Variants in MACROD2 observed in about 807,000 individuals in gnomAD.
MACROD2 encodes the protein ADP-ribose glycohydrolase MACROD2.
In MACROD2, 36 loss-of-function variants were observed where a neutral mutation model predicts 70.4. The ratio of observed to expected loss-of-function variants is 0.51; its 90% CI spans 0.39 to 0.68. MACROD2 has a LOEUF of 0.68. Among genes scored for constraint, MACROD2 ranks in the 30% least tolerant of loss-of-function variants. MACROD2 has a pLI of 0.00. For synonymous variants in MACROD2, 172 were observed against 178.8 expected (o/e 0.96, Z 0.30); for missense variants, 496 against 538.4 (o/e 0.92, Z 0.78).
rs1015544412 is a variant in MACROD2 at position 15,000,593 on chromosome 20, G to C, written c.419-229347G>C. On this transcript the variant is annotated intron_variant, in intron 5 of 17. Coordinates refer to ENST00000684519, the MANE Select transcript of MACROD2 (RefSeq NM_001351661.2). The stretch of plus-strand genomic sequence containing the variant: ...AGCCGAGATTGCGCCACTGCAGTCC[G>C]CAGTCCGGCCTGGGCGACAGAGCGA... 9.5e-5 allele frequency among the ~76,000 whole-genome samples: 10 copies of C among 105,512 alleles called. 2 individuals are homozygous for C. Among genetic ancestry groups the C allele is most frequent in the Admixed American group, 2.5e-4 (2 of 8,014 alleles). 69.2% of individuals were successfully genotyped at this position (105,512 alleles called of 152,430 possible). A position where few individuals can be genotyped will look rare whatever the true frequency, so the allele number is the denominator to read the frequency against.
intron 5 of MACROD2, among the ~76,000 whole-genome samples, chr20:14,703,438 C>G (rs1344200155): frequency 5.3e-5 from 8 of 152,194 alleles, no homozygotes; most frequent in African/African-American, 1.9e-4. Flanking sequence ...TTCATGAAGT[C>G]TCTATAAACA....
chr20:14,011,994 C>T (rs1033260009), intron 2 of MACROD2, among the ~76,000 whole-genome samples: 3 of 152,212 alleles, frequency 2.0e-5, no homozygotes, highest in South Asian at 2.1e-4. Context: ...CTGCAACCTT[C>T]GCCTCCCAAG....
chr20:15,395,353 C>A (rs1208090834), intron 6 of MACROD2, among the ~76,000 whole-genome samples: 2 of 152,094 alleles, frequency 1.3e-5, no homozygotes, highest in Non-Finnish European at 1.5e-5. Flanking sequence ...TTTGTCATTT[C>A]TTTTGTCCTA....
At chr20:15,377,781 CAG>C (rs144037885) in intron 6 of MACROD2, among the ~76,000 whole-genome samples, 6,457 of 152,312 alleles carry the variant, frequency 0.042, 171 homozygotes, top group Middle Eastern at 0.1. Context: ...GCCTGACCTA[CAG>C]AGAGTCTGTA....
At chr20:14,894,946 TGGGAGACTAGA>T (rs1179310523) in intron 5 of MACROD2, 2 of 152,144 alleles carry the variant, frequency 1.3e-5, no homozygotes, top group African/African-American at 4.8e-5. Flanking sequence ...CAATCAAGTA[TGGGAGACTAGA>T]GGGTGGCAAG....
At chr20:15,023,526 C>A (rs2075206014) in intron 5 of MACROD2, among the ~76,000 whole-genome samples, 1 of 152,154 alleles carries the variant, frequency 6.6e-6, no homozygotes, top group Admixed American at 6.6e-5. Flanking sequence ...TAAAGACATA[C>A]TCAAGACTGG....
At chr20:14,163,721 C>T (rs1463530342) in intron 3 of MACROD2, among the ~76,000 whole-genome samples, 4 of 150,726 alleles carry the variant, frequency 2.7e-5, no homozygotes, top group Non-Finnish European at 5.9e-5. Flanking sequence ...CCGTCTTCTG[C>T]TTGATTTAGT....
In MACROD2 at chr20:15,332,634, C is replaced by T. The variant is rs181173618; in HGVS notation, c.541-98771C>T. 3.5e-3 allele frequency among the ~76,000 whole-genome samples: 520 copies of T among 150,232 alleles called. 14 individuals are homozygous for T. Among genetic ancestry groups the T allele is most frequent in the Middle Eastern group, 0.01 (3 of 292 alleles). ...GTTCCTACAGCCCCTTTGAAAGAGG[C>T]CTTTCATGAGACGATATATGACGTG... On this transcript the variant is annotated intron_variant, in intron 6 of 17. Coordinates refer to ENST00000684519, the MANE Select transcript of MACROD2 (RefSeq NM_001351661.2).
intron 3 of MACROD2, among the ~76,000 whole-genome samples, chr20:14,113,324 G>A (rs2148686790): frequency 6.6e-6 from 1 of 152,042 alleles, no homozygotes; most frequent in East Asian, 1.9e-4. Flanking sequence ...AATATGATTT[G>A]CTTTGTGAAG....
At chr20:15,063,911 T>G (rs866509683) in intron 5 of MACROD2, among the ~76,000 whole-genome samples, 9 of 152,210 alleles carry the variant, frequency 5.9e-5, no homozygotes, top group Admixed American at 1.3e-4. Flanking sequence ...ATCCATAATC[T>G]GTAGCCATGA....
chr20:15,834,014 A>G (rs771459602), intron 8 of MACROD2, among the ~76,000 whole-genome samples: 20 of 152,174 alleles, frequency 1.3e-4, no homozygotes, highest in Non-Finnish European at 2.8e-4. Flanking sequence ...CAGGCCCCTC[A>G]ATTAAAATGA....
chr20:14,269,876 T>C (rs1410266568), intron 3 of MACROD2, among the ~76,000 whole-genome samples: 1 of 152,034 alleles, frequency 6.6e-6, no homozygotes, highest in African/African-American at 2.4e-5. Flanking sequence ...TAGTTTATTG[T>C]GTTAAAACCC....
At chr20:15,493,443 T>C (rs1235945636) in intron 7 of MACROD2, among the ~76,000 whole-genome samples, 2 of 152,254 alleles carry the variant, frequency 1.3e-5, no homozygotes, top group African/African-American at 2.4e-5. Context: ...TGGTAATCTA[T>C]AGCCCCAAAT....
intron 5 of MACROD2, among the ~76,000 whole-genome samples, chr20:14,861,607 G>T (rs2073318093): frequency 6.6e-6 from 1 of 151,850 alleles, no homozygotes; most frequent in Non-Finnish European, 1.5e-5. Flanking sequence ...ATGTAGTGGG[G>T]AAAATGGGTG....
At chr20:15,910,169 T>A (rs2065214743) in intron 10 of MACROD2, among the ~76,000 whole-genome samples, 1 of 152,216 alleles carries the variant, frequency 6.6e-6, no homozygotes, top group Non-Finnish European at 1.5e-5. Context: ...AGTCACTTTC[T>A]CTCAAAATTT....
rs117559373 is a variant in MACROD2, at chr20:15,337,161, G to A, written c.541-94244G>A. Among the ~76,000 whole-genome samples the A allele has an allele frequency of 4.0e-4, 61 of 151,890 alleles. 1 individual carries two copies. In the East Asian group the frequency reaches 0.012, roughly 29 times the overall value. On this transcript the variant is annotated intron_variant, in intron 6 of 17. Transcript: ENST00000684519. ...GAAGATTCATCAATGGCTTTGAAGA[G>A]CTTTACAAAATATGCTGAGTATTCT...
chr20:15,569,998 C>G (rs915892263), intron 8 of MACROD2, among the ~76,000 whole-genome samples: 1 of 152,084 alleles, frequency 6.6e-6, no homozygotes, highest in Non-Finnish European at 1.5e-5. Context: ...CTTTGGATAT[C>G]TACTTGGTAG....
At chr20:14,529,942 C>T (rs887015327) in intron 4 of MACROD2, among the ~76,000 whole-genome samples, 1 of 152,092 alleles carries the variant, frequency 6.6e-6, no homozygotes, top group African/African-American at 2.4e-5. Flanking sequence ...AGAAGCAGAA[C>T]CTAAAACAAT....
intron 8 of MACROD2, among the ~76,000 whole-genome samples, chr20:15,522,031 T>C (rs892638672): frequency 1.3e-5 from 2 of 152,244 alleles, no homozygotes; most frequent in African/African-American, 2.4e-5. Flanking sequence ...AAGATCTCTA[T>C]TAGTTTGCCC....
Sources: gnomAD v4.1 joint callset for allele counts (sites outside exome capture counted in the v4.1 genomes callset) on GRCh38, gnomAD v4.1.1 for gene constraint, MANE v1.5 for transcripts, NCBI Gene and HGNC (gene_info 2026-07-23, HGNC 2026-07-21) for gene names.